The following SAMD3 variants were observed in gnomAD, a reference collection of about 807,000 sequenced individuals.
SAMD3 encodes the protein sterile alpha motif domain containing 3.
A neutral mutation model predicts 58.5 loss-of-function variants in SAMD3; 63 were observed. The ratio of observed to expected loss-of-function variants is 1.08; its 90% CI spans 0.88 to 1.33. SAMD3 has a LOEUF of 1.33. SAMD3 is among the 40% of genes most tolerant of loss of function. The pLI is 0.00. For synonymous variants in SAMD3, 220 were observed against 210.3 expected, an observed-to-expected ratio of 1.05 and a Z score of -0.40; for missense variants, 604 against 608.4, an observed-to-expected ratio of 0.99 and a Z score of 0.08.
intron 5 of SAMD3, among the ~76,000 whole-genome samples, chr6:130,188,641 G>A (rs779933958): frequency 6.6e-6 from 1 of 152,014 alleles, no homozygotes; most frequent in Admixed American, 6.6e-5. Flanking sequence ...TCACCTCACC[G>A]GGACTGCTTC....
At chr6:130,176,535 C>G (rs1223198244) in intron 7 of SAMD3, among the ~76,000 whole-genome samples, 1 of 152,218 alleles carries the variant, frequency 6.6e-6, no homozygotes, top group Non-Finnish European at 1.5e-5. Flanking sequence ...ACTCCCCACT[C>G]TGGGAGGGAG....
At chr6:130,302,260 A>C (rs1402985379) in intron 2 of SAMD3, among the ~76,000 whole-genome samples, 1 of 152,176 alleles carries the variant, frequency 6.6e-6, no homozygotes, top group Non-Finnish European at 1.5e-5. Flanking sequence ...ATTAAAAAGC[A>C]GGCAAAGGAC....
intron 4 of SAMD3, among the ~76,000 whole-genome samples, chr6:130,213,005 G>T (rs11154534): frequency 8.5e-5 from 13 of 152,162 alleles, no homozygotes; most frequent in African/African-American, 3.1e-4. Flanking sequence ...GTTAGGGGCC[G>T]GGCAAAGCAG....
At chr6:130,149,534 A>G (rs769883254) in intron 9 of SAMD3, among the ~76,000 whole-genome samples, 31 of 152,228 alleles carry the variant, frequency 2.0e-4, no homozygotes, top group Non-Finnish European at 4.0e-4. Context: ...CATAGCCATA[A>G]AAAAGAATGA....
chr6:130,334,269 A>G (rs1443354990), intron 1 of SAMD3, among the ~76,000 whole-genome samples: 2 of 152,210 alleles, frequency 1.3e-5, no homozygotes, highest in Non-Finnish European at 1.5e-5. Flanking sequence ...TAAACAAATT[A>G]CTATCTCAGT....
chr6:130,305,510 A>G (rs1050480964), intron 2 of SAMD3, among the ~76,000 whole-genome samples: 5 of 152,208 alleles, frequency 3.3e-5, no homozygotes, highest in Non-Finnish European at 5.9e-5. Flanking sequence ...GAGAATGTTT[A>G]TATTCTTTTA....
intron 7 of SAMD3, among the ~76,000 whole-genome samples, chr6:130,182,623 G>A (rs1792473137): frequency 6.7e-6 from 1 of 149,322 alleles, no homozygotes; most frequent in African/African-American, 2.5e-5. Flanking sequence ...AGGGAAGAAA[G>A]AAGGAGGGAG....
intron 8 of SAMD3, chr6:130,162,205 AC>A: frequency 1.4e-6 from 1 of 698,928 alleles, no homozygotes; most frequent in Non-Finnish European, 2.6e-6. Flanking sequence ...CACCACAGTA[AC>A]CTAAGCTCTC....
chr6:130,158,601 A>G (rs1474805089), intron 8 of SAMD3, among the ~76,000 whole-genome samples: 2 of 152,248 alleles, frequency 1.3e-5, no homozygotes, highest in African/African-American at 4.8e-5. Flanking sequence ...GATTTCCTAA[A>G]AGTGTTACCA....
intron 1 of SAMD3, among the ~76,000 whole-genome samples, chr6:130,328,840 TC>T (rs1776836211): frequency 6.6e-6 from 1 of 152,186 alleles, no homozygotes; most frequent in Admixed American, 6.5e-5. Flanking sequence ...TCATTTGGGA[TC>T]CAAAGTAGAT....
chr6:130,334,810 A>G (rs756691040), intron 1 of SAMD3, among the ~76,000 whole-genome samples: 10 of 152,184 alleles, frequency 6.6e-5, no homozygotes, highest in African/African-American at 1.7e-4. Context: ...AACTTCTGGT[A>G]TAGTTCTTTT....
chr6:130,194,835 T>A (rs1312800303), intron 5 of SAMD3, among the ~76,000 whole-genome samples: 1 of 152,152 alleles, frequency 6.6e-6, no homozygotes, highest in African/African-American at 2.4e-5. Context: ...CCTGATCACC[T>A]TGGAAGCCTA....
chr6:130,242,544 T>C (rs574796026), intron 2 of SAMD3, among the ~76,000 whole-genome samples: 1 of 152,290 alleles, frequency 6.6e-6, no homozygotes, highest in East Asian at 1.9e-4. Flanking sequence ...AGGTAATACA[T>C]TAGATGATGA....
At chr6:130,300,757 C>G (rs979847904) in intron 2 of SAMD3, among the ~76,000 whole-genome samples, 3 of 152,118 alleles carry the variant, frequency 2.0e-5, no homozygotes, top group African/African-American at 7.2e-5. Flanking sequence ...GACTCCTAGA[C>G]ATGATAAATG....
At chr6:130,234,826 C>T (rs1403834431) in intron 2 of SAMD3, among the ~76,000 whole-genome samples, 1 of 152,182 alleles carries the variant, frequency 6.6e-6, no homozygotes, top group South Asian at 2.1e-4. Context: ...ACACAATAAA[C>T]TTTAAAAGGA....
intron 2 of SAMD3, among the ~76,000 whole-genome samples, chr6:130,305,079 T>A (rs1008873452): frequency 6.6e-6 from 1 of 151,898 alleles, no homozygotes; most frequent in African/African-American, 2.4e-5. Context: ...GGACCACACA[T>A]GTGCATCAGC....
At chr6:130,348,078 CA>C (rs1290303040) in intron 1 of SAMD3, among the ~76,000 whole-genome samples, 2 of 152,112 alleles carry the variant, frequency 1.3e-5, no homozygotes, top group Non-Finnish European at 2.9e-5. Context: ...CTGAAGGAAG[CA>C]CTAAACATGG....
chr6:130,365,820 G>A (rs1185456383), upstream of SAMD3: 1 of 985,566 alleles, frequency 1.0e-6, no homozygotes, highest in Non-Finnish European at 1.2e-6. Flanking sequence ...CTGGGCTCCT[G>A]CAGAGCAGAT....
intron 1 of SAMD3, among the ~76,000 whole-genome samples, chr6:130,346,641 C>A (rs920721473): frequency 2.0e-5 from 3 of 152,232 alleles, no homozygotes; most frequent in African/African-American, 7.2e-5. Flanking sequence ...TCTGTAGACT[C>A]CACCTCTGGG....
Sources: allele counts gnomAD v4.1 joint callset (sites outside exome capture counted in the v4.1 genomes callset), GRCh38; gene constraint gnomAD v4.1.1; transcripts MANE v1.5; gene names NCBI Gene and HGNC (gene_info 2026-07-23, HGNC 2026-07-21).